The following TNN variants were observed in gnomAD, a reference collection of about 807,000 sequenced individuals.
The protein encoded by TNN is tenascin-N.
A neutral mutation model predicts 134.4 loss-of-function variants in TNN; 122 were observed. The ratio of observed to expected loss-of-function variants is 0.91; its 90% confidence interval spans 0.78 to 1.06. TNN has a LOEUF of 1.06. Ranked by LOEUF, TNN falls within the 50% of genes least tolerant of loss-of-function variation. The pLI, the probability that TNN is intolerant of heterozygous loss-of-function variation, is 0.00. For missense variants in TNN, 1,739 were observed against 1,699.4 expected, an observed-to-expected ratio of 1.02 and a Z score of -0.41; for synonymous variants, 710 against 670.3, an observed-to-expected ratio of 1.06 and a Z score of -0.91.
chr1:175,109,061 T>C (rs1285228347), intron 9 of TNN, among the ~76,000 whole-genome samples: 5 of 141,148 alleles, frequency 3.5e-5, no homozygotes, highest in Non-Finnish European at 7.7e-5. Flanking sequence ...GTATTTCTTC[T>C]ATCTAACTGT....
intron 9 of TNN, among the ~76,000 whole-genome samples, chr1:175,116,046 A>AT (rs753669640): frequency 0.013 from 1,914 of 148,420 alleles, 28 homozygotes; most frequent in African/African-American, 0.033. Context: ...TCCTTTAGTT[A>AT]TTTTTTTTTT....
intron 17 of TNN, among the ~76,000 whole-genome samples, chr1:175,137,215 C>G (rs1249010202): frequency 6.6e-6 from 1 of 152,070 alleles, no homozygotes; most frequent in Admixed American, 6.6e-5. Flanking sequence ...ATGTCATCCC[C>G]CCACCCCAAT....
At chr1:175,133,977 A>G (rs1005594478) in intron 15 of TNN, among the ~76,000 whole-genome samples, 8 of 152,186 alleles carry the variant, frequency 5.3e-5, no homozygotes, top group African/African-American at 1.9e-4. Flanking sequence ...GCTCCCACCT[A>G]CAGCCTTTTG....
intron 17 of TNN, 129 bp from the exon 18 acceptor site, chr1:175,144,258 A>C: frequency 3.8e-5 from 31 of 821,690 alleles, no homozygotes; most frequent in Non-Finnish European, 5.1e-5. Context: ...GAGAGCGGTG[A>C]CTACCTGTGA....
chr1:175,103,853 G>T (rs1674789294), intron 9 of TNN, among the ~76,000 whole-genome samples: 1 of 144,926 alleles, frequency 6.9e-6, no homozygotes, highest in Non-Finnish European at 1.5e-5. Context: ...CATTTTGATG[G>T]CTTTGTCAGT....
chr1:175,136,579 G>A (rs546793222), intron 16 of TNN, among the ~76,000 whole-genome samples: 1 of 152,254 alleles, frequency 6.6e-6, no homozygotes, highest in Non-Finnish European at 1.5e-5. Context: ...GGAGCCAATG[G>A]AGGCAGATTC....
rs1674511889 is a variant in TNN at position 175,094,128 on chromosome 1, C to T, written c.1463C>T (p.Ala488Val). Residue 488 changes from alanine (A) to valine (V), a missense_variant, in exon 7 of 19, where the codon GCA (alanine) becomes GTA (valine). Coordinates refer to ENST00000239462, the MANE Select transcript of TNN (RefSeq NM_022093.2). ...TSADGDTKEMAVHKDESSTVL... is the reference protein window; with the variant it reads ...TSADGDTKEMVVHKDESSTVL... The stretch of plus-strand genomic sequence containing the variant: ...GCTGATGGGGACACCAAGGAAATGG[C>T]AGTGCACAAGGATGAGAGCAGCACT... 1.1e-5 allele frequency: 18 copies of T among 1,614,146 alleles called. No homozygotes were observed. Among genetic ancestry groups the T allele is most frequent in the Admixed American group, 1.7e-5 (1 of 60,020 alleles).
chr1:175,091,705 C>A (rs189813048), intron 6 of TNN, among the ~76,000 whole-genome samples: 1 of 152,070 alleles, frequency 6.6e-6, no homozygotes, highest in Admixed American at 6.6e-5. Context: ...TCTCGTGCCT[C>A]AGCCTCCCGA....
intron 1 of TNN, among the ~76,000 whole-genome samples, chr1:175,074,524 C>T (rs1261206009): frequency 6.7e-6 from 1 of 149,340 alleles, no homozygotes; most frequent in Non-Finnish European, 1.5e-5. Context: ...TGTGCAGGCA[C>T]TTATTACCCA....
rs564255258 is a variant in TNN, at chr1:175,143,154, G to A, written c.3596-1233G>A. On this transcript the variant is annotated intron_variant, in intron 17 of 18. Coordinates refer to ENST00000239462, the MANE Select transcript of TNN (RefSeq NM_022093.2). ...GGTGGGACCTTAAGAAGTTCCTAGA[G>A]TCTAACCTTTTTGAATTTGTTTCCC... 2.0e-5 allele frequency among the ~76,000 whole-genome samples: 3 copies of A among 152,256 alleles called. No individual in the cohort carries two copies. In the East Asian group the frequency reaches 5.8e-4, roughly 29 times the overall value.
At chr1:175,125,721 CTTT>C (rs1360590190) in intron 12 of TNN, among the ~76,000 whole-genome samples, 5 of 94,002 alleles carry the variant, frequency 5.3e-5, no homozygotes, top group Admixed American at 1.2e-4. Flanking sequence ...TTCTTTCTTT[CTTT>C]CTTTCTTTCT....
intron 11 of TNN, among the ~76,000 whole-genome samples, chr1:175,122,821 T>G (rs547246901): frequency 3.4e-4 from 52 of 152,320 alleles, no homozygotes; most frequent in African/African-American, 1.2e-3. Flanking sequence ...CTTGCTTGTC[T>G]GGGACTGATG....
At chr1:175,137,396 AT>A (rs1553320254) in intron 17 of TNN, among the ~76,000 whole-genome samples, 61 of 150,670 alleles carry the variant, frequency 4.0e-4, no homozygotes, top group Middle Eastern at 3.4e-3. Flanking sequence ...GTGTGTGATT[AT>A]TTGAGCTTTT....
rs189648160 is a variant in TNN at position 175,119,538 on chromosome 1, C to G, written c.2650+714C>G. On this transcript the variant is annotated intron_variant, in intron 11 of 18. Coordinates refer to ENST00000239462, the MANE Select transcript of TNN (RefSeq NM_022093.2). ...CCCAGTAGGTTTCACCCTTATTTGACCCAGTTCCTATTCAAGATGGAGTTT... is the reference window on the plus strand; with the variant it reads ...CCCAGTAGGTTTCACCCTTATTTGAGCCAGTTCCTATTCAAGATGGAGTTT... Among the ~76,000 whole-genome samples the G allele has an allele frequency of 6.9e-4, 105 of 152,206 alleles. 1 individual carries two copies. The highest frequency in any genetic ancestry group is 1.2e-3 in the Admixed American group (18 of 15,286).
chr1:175,079,287 C>T (rs1383292952), intron 2 of TNN, 46 bp from the exon 3 acceptor site: 3 of 1,533,208 alleles, frequency 2.0e-6, no homozygotes, highest in Admixed American at 2.0e-5. Flanking sequence ...GAGATCCCCA[C>T]GCACAACCCT....
chr1:175,122,074 G>A (rs984512436), intron 11 of TNN, among the ~76,000 whole-genome samples: 2 of 152,154 alleles, frequency 1.3e-5, no homozygotes, highest in Non-Finnish European at 2.9e-5. Flanking sequence ...GATCACCTAG[G>A]TGGAAAAGTA....
intron 9 of TNN, among the ~76,000 whole-genome samples, chr1:175,100,311 G>A (rs1674687254): frequency 6.6e-6 from 1 of 152,210 alleles, no homozygotes; most frequent in Non-Finnish European, 1.5e-5. Context: ...AACCAAAAGT[G>A]TCTCCAGACA....
intron 17 of TNN, among the ~76,000 whole-genome samples, chr1:175,143,493 G>A (rs1024544762): frequency 6.7e-6 from 1 of 148,430 alleles, no homozygotes; most frequent in Non-Finnish European, 1.5e-5. Flanking sequence ...GAAGGGCTCT[G>A]GAAGTTCAGG....
intron 15 of TNN, among the ~76,000 whole-genome samples, chr1:175,131,367 A>G (rs931216399): frequency 9.2e-5 from 14 of 152,216 alleles, no homozygotes; most frequent in Non-Finnish European, 2.9e-5. Flanking sequence ...CATTCAGGGC[A>G]TTGAGTAAGT....
Sources: gnomAD v4.1 joint callset for allele counts (sites outside exome capture counted in the v4.1 genomes callset) on GRCh38, gnomAD v4.1.1 for gene constraint, MANE v1.5 for transcripts, NCBI Gene and HGNC (gene_info 2026-07-23, HGNC 2026-07-21) for gene names.